The following COL24A1 variants were observed in gnomAD, a reference collection of about 807,000 sequenced individuals.
The protein encoded by COL24A1 is collagen alpha-1(XXIV) chain.
In COL24A1, 224 loss-of-function variants were observed where a neutral mutation model predicts 253.9. The observed-to-expected ratio is 0.88, with a 90% CI of 0.79 to 0.99. COL24A1 has a LOEUF of 0.99. Among genes scored for constraint, COL24A1 ranks in the 50% least tolerant of loss-of-function variants. COL24A1 has a pLI of 0.00. For missense variants in COL24A1, 2,131 were observed against 2,068.5 expected (o/e 1.03, Z -0.59); for synonymous variants, 685 against 673.7 (o/e 1.02, Z -0.26).
intron 2 of COL24A1, among the ~76,000 whole-genome samples, chr1:86,133,583 C>T (rs1649676283): frequency 6.6e-6 from 1 of 152,154 alleles, no homozygotes; most frequent in Non-Finnish European, 1.5e-5. Context: ...TTGGCAAAGG[C>T]CTTTTCTGCA....
intron 14 of COL24A1, among the ~76,000 whole-genome samples, chr1:86,027,261 G>C (rs113540447): frequency 0.087 from 13,212 of 152,226 alleles, 705 homozygotes; most frequent in Middle Eastern, 0.19. Flanking sequence ...CAGAAATCTG[G>C]GTAAGTAATG....
At chr1:85,775,467 G>A (rs138300453) in intron 53 of COL24A1, among the ~76,000 whole-genome samples, 3,040 of 152,188 alleles carry the variant, frequency 0.02, 97 homozygotes, top group African/African-American at 0.069. Flanking sequence ...TATTGACAGT[G>A]GGGTGTTAAA....
chr1:85,784,445 G>T, intron 48 of COL24A1, 79 bp from the exon 49 acceptor site: 1 of 1,021,520 alleles, frequency 9.8e-7, no homozygotes, highest in African/African-American at 1.6e-5. Context: ...CCCAAATACA[G>T]GCCCATCCTT....
intron 1 of COL24A1, among the ~76,000 whole-genome samples, chr1:86,149,497 T>C (rs904242752): frequency 6.6e-6 from 1 of 152,216 alleles, no homozygotes; most frequent in Non-Finnish European, 1.5e-5. Flanking sequence ...TTACAGTCAA[T>C]GAAGGATAGT....
At chr1:85,979,106 A>G (rs1160134966) in intron 20 of COL24A1, among the ~76,000 whole-genome samples, 1 of 152,200 alleles carries the variant, frequency 6.6e-6, no homozygotes, top group Non-Finnish European at 1.5e-5. Flanking sequence ...TCAACAATGA[A>G]ATCAAGATGG....
chr1:85,781,314 T>TG lies in COL24A1; in HGVS notation c.4285-42_4285-41insC. On this transcript the variant is annotated intron_variant, in intron 51 of 59. Coordinates refer to ENST00000370571, the MANE Select transcript of COL24A1 (RefSeq NM_152890.7). ...AAAAACAGTCTCACTGTTAGTATAA[T>TG]TAAAAAAAAAAAAACTCCACAGAAT... is the stretch of plus-strand genomic sequence containing the variant. 2.9e-6 allele frequency: 4 copies of TG among 1,383,540 alleles called. No individual in the cohort carries two copies. The South Asian group carries it at 5.2e-5, about 18-fold the overall frequency. The allele number at this position is 1,383,540 out of a possible 1,614,324, so 85.7% of individuals were successfully genotyped here.
intron 37 of COL24A1, among the ~76,000 whole-genome samples, chr1:85,867,576 T>C (rs113772113): frequency 1.3e-5 from 2 of 152,292 alleles, no homozygotes; most frequent in African/African-American, 4.8e-5. Context: ...CATGAACATT[T>C]ACAGAAGTAA....
chr1:86,010,451 CA>C (rs34818910), intron 19 of COL24A1, among the ~76,000 whole-genome samples: 6 of 151,430 alleles, frequency 4.0e-5, no homozygotes, highest in Non-Finnish European at 8.9e-5. Context: ...AGTCCTCAAA[CA>C]AAAAAAAGAT....
intron 59 of COL24A1, 31 bp downstream of exon 59, chr1:85,734,718 T>C (rs754801561): frequency 3.8e-6 from 6 of 1,570,326 alleles, no homozygotes; most frequent in Non-Finnish European, 5.3e-6. Context: ...GTTAGTTATA[T>C]TGAACAATTC....
intron 52 of COL24A1, among the ~76,000 whole-genome samples, chr1:85,780,944 T>A (rs1669078530): frequency 6.6e-6 from 1 of 152,108 alleles, no homozygotes. Context: ...TTTTTATTGC[T>A]CAGGAGTTCA....
At chr1:86,142,163 T>C (rs1434794666) in intron 2 of COL24A1, among the ~76,000 whole-genome samples, 6 of 151,474 alleles carry the variant, frequency 4.0e-5, no homozygotes, top group African/African-American at 1.5e-4. Flanking sequence ...AAGTAGACAT[T>C]GCATCAAAGA....
At chr1:85,761,362 TAAAAC>T (rs753167999) in intron 55 of COL24A1, 29 bp downstream of exon 55, 1 of 1,612,008 alleles carries the variant, frequency 6.2e-7, no homozygotes, top group Non-Finnish European at 8.5e-7. Context: ...CATACTAAGA[TAAAAC>T]AAAACAAAAT....
chr1:85,985,494 A>C (rs752497925), intron 20 of COL24A1, among the ~76,000 whole-genome samples: 1 of 151,848 alleles, frequency 6.6e-6, no homozygotes, highest in Admixed American at 6.6e-5. Flanking sequence ...TGAAGGATTT[A>C]AGCAAAAGAG....
chr1:86,044,044 T>C (rs1346846373), intron 12 of COL24A1, among the ~76,000 whole-genome samples: 1 of 152,152 alleles, frequency 6.6e-6, no homozygotes, highest in African/African-American at 2.4e-5. Context: ...ATTTAATAAA[T>C]TACCAGGAGA....
chr1:86,095,157 G>A (rs1176892128), intron 5 of COL24A1, among the ~76,000 whole-genome samples: 1 of 151,782 alleles, frequency 6.6e-6, no homozygotes, highest in Non-Finnish European at 1.5e-5. Context: ...AAATTCTTAC[G>A]TTTAGATCCT....
intron 3 of COL24A1, among the ~76,000 whole-genome samples, chr1:86,124,192 T>C (rs909348561): frequency 6.8e-6 from 1 of 146,532 alleles, no homozygotes; most frequent in African/African-American, 2.5e-5. Context: ...CTCACAGTTT[T>C]GTTTACATGA....
At chr1:85,838,765 G>T in intron 42 of COL24A1, 127 bp from the exon 43 acceptor site, 2 of 728,344 alleles carry the variant, frequency 2.7e-6, no homozygotes, top group Non-Finnish European at 4.5e-6. Context: ...GATTTGTTTA[G>T]TTCCATTAAA....
chr1:85,761,817 T>C (rs1666878563), intron 53 of COL24A1, among the ~76,000 whole-genome samples: 1 of 152,196 alleles, frequency 6.6e-6, no homozygotes, highest in South Asian at 2.1e-4. Context: ...TAATAAACTA[T>C]TATAAATGTA....
At chr1:85,855,156 G>C (rs1383094426) in intron 37 of COL24A1, among the ~76,000 whole-genome samples, 2 of 152,074 alleles carry the variant, frequency 1.3e-5, no homozygotes, top group Non-Finnish European at 2.9e-5. Context: ...GGGTTTTCTA[G>C]GTACAGAATC....
Sources: gnomAD v4.1 joint callset for allele counts (sites outside exome capture counted in the v4.1 genomes callset) on GRCh38, gnomAD v4.1.1 for gene constraint, MANE v1.5 for transcripts, NCBI Gene and HGNC (gene_info 2026-07-23, HGNC 2026-07-21) for gene names.